CSMD1: variants seen among roughly 807,000 people sequenced by gnomAD.
CSMD1 encodes the protein CUB and sushi domain-containing protein 1.
In CSMD1, 213 loss-of-function variants were observed where a neutral mutation model predicts 417.5. The observed-to-expected ratio is 0.51, with a 90% CI of 0.46 to 0.57. CSMD1 has a LOEUF of 0.57. Ranked by LOEUF, CSMD1 falls within the 20% of genes least tolerant of loss-of-function variation. CSMD1 has a pLI of 0.00. For synonymous variants in CSMD1, 2,862 were observed against 1,736.8 expected (o/e 1.65, Z -16.11); for missense variants, 6,923 against 4,529.7 (o/e 1.53, Z -15.17).
At chr8:3,711,536 C>G (rs144714132) in intron 6 of CSMD1, among the ~76,000 whole-genome samples, 2 of 152,202 alleles carry the variant, frequency 1.3e-5, no homozygotes, top group Admixed American at 6.5e-5. Flanking sequence ...GGTGCAACCA[C>G]GGCACCTGGC....
chr8:3,572,428 C>G (rs1799984415), intron 10 of CSMD1, among the ~76,000 whole-genome samples: 1 of 152,128 alleles, frequency 6.6e-6, no homozygotes, highest in Non-Finnish European at 1.5e-5. Context: ...AGGGAGCTTC[C>G]TGGAGAGCCC....
chr8:3,951,132 C>G (rs377266233), intron 5 of CSMD1, among the ~76,000 whole-genome samples: 5 of 152,148 alleles, frequency 3.3e-5, no homozygotes, highest in East Asian at 3.9e-4. Context: ...CAGGAGATGT[C>G]TCAAAGTTGT....
intron 2 of CSMD1, among the ~76,000 whole-genome samples, chr8:4,453,236 C>CAA (rs1018557203): frequency 6.6e-5 from 10 of 151,398 alleles, no homozygotes; most frequent in Admixed American, 5.3e-4. Context: ...CACACACACA[C>CAA]ACACACACTG....
intron 2 of CSMD1, among the ~76,000 whole-genome samples, chr8:4,464,637 G>C (rs369423422): frequency 6.6e-6 from 1 of 152,128 alleles, no homozygotes; most frequent in Non-Finnish European, 1.5e-5. Context: ...AGAGTCCCAA[G>C]TTGAACCATG....
intron 26 of CSMD1, among the ~76,000 whole-genome samples, chr8:3,240,885 C>T (rs577146280): frequency 6.6e-4 from 101 of 152,100 alleles, no homozygotes; most frequent in African/African-American, 2.3e-3. Context: ...AGTTTATAGG[C>T]TTTAAGAGGT....
chr8:4,394,980 G>C (rs987084782), intron 3 of CSMD1, among the ~76,000 whole-genome samples: 1 of 152,164 alleles, frequency 6.6e-6, no homozygotes, highest in South Asian at 2.1e-4. Context: ...TCACAGTTAA[G>C]AAAGGGAAGA....
chr8:4,970,374 C>G (rs188310711), intron 1 of CSMD1, among the ~76,000 whole-genome samples: 1 of 152,064 alleles, frequency 6.6e-6, no homozygotes, highest in Non-Finnish European at 1.5e-5. Flanking sequence ...ATGGTATCAG[C>G]TTTTATGCTA....
At chr8:3,180,268 C>G (rs959841818) in intron 37 of CSMD1, among the ~76,000 whole-genome samples, 1 of 152,224 alleles carries the variant, frequency 6.6e-6, no homozygotes, top group Non-Finnish European at 1.5e-5. Context: ...TTAACTCTGT[C>G]TCACATCCAT....
intron 2 of CSMD1, among the ~76,000 whole-genome samples, chr8:4,557,411 C>T (rs1164351310): frequency 6.7e-6 from 1 of 150,328 alleles, no homozygotes; most frequent in Non-Finnish European, 1.5e-5. Context: ...CATAGTAATC[C>T]ATCTGAAAAT....
intron 3 of CSMD1, among the ~76,000 whole-genome samples, chr8:4,293,745 G>C (rs1395541103): frequency 1.3e-5 from 2 of 152,280 alleles, no homozygotes; most frequent in African/African-American, 4.8e-5. Context: ...TTAAAGCACA[G>C]ATATTTTTGT....
rs971001565 is a variant in CSMD1 at position 3,241,371 on chromosome 8, C to T, written c.4154-11140G>A. 1.4e-4 allele frequency among the ~76,000 whole-genome samples: 21 copies of T among 151,952 alleles called. 1 individual carries two copies. The Middle Eastern group carries it at 0.017, about 124-fold the overall frequency. On this transcript the variant is annotated intron_variant, in intron 26 of 69. Coordinates refer to ENST00000635120, the MANE Select transcript of CSMD1 (RefSeq NM_033225.6). ...AAGGTAATGTGGAGTGGGTAGCCTC[C>T]ATATTGATTAAGAAGGGGACGGTCT...
At chr8:2,994,204 A>C (rs1806671744) in intron 54 of CSMD1, among the ~76,000 whole-genome samples, 2 of 151,512 alleles carry the variant, frequency 1.3e-5, no homozygotes, top group African/African-American at 4.9e-5. Context: ...GAAGGAAGAA[A>C]GAAAGTAAGA....
At chr8:4,297,255 T>C (rs201766284) in intron 3 of CSMD1, among the ~76,000 whole-genome samples, 4 of 152,258 alleles carry the variant, frequency 2.6e-5, no homozygotes, top group African/African-American at 9.6e-5. Context: ...ATATAGAGCT[T>C]GAAATTTACC....
At position 3,613,650 on chromosome 8, in the gene CSMD1, T is replaced by C. The variant is rs952546200; in HGVS notation, c.1097+3060A>G. On this transcript the variant is annotated intron_variant, in intron 8 of 69. Coordinates refer to ENST00000635120, the MANE Select transcript of CSMD1 (RefSeq NM_033225.6). ...AAAATATACAAACAAAAAATGGTCA[T>C]GTCAATAGATGTAGAAACTTTTGAA... Among the ~76,000 whole-genome samples, 5 of 151,516 alleles carry C rather than the reference T, an allele frequency of 3.3e-5. No individual in the cohort carries two copies. In the South Asian group the frequency reaches 8.3e-4, roughly 25 times the overall value.
intron 3 of CSMD1, among the ~76,000 whole-genome samples, chr8:4,104,885 G>C (rs554610349): frequency 2.0e-5 from 3 of 151,826 alleles, no homozygotes; most frequent in African/African-American, 4.8e-5. Flanking sequence ...TTTTTCTTTT[G>C]TATCCATTAA....
chr8:4,024,000 C>T (rs957579015), intron 4 of CSMD1, among the ~76,000 whole-genome samples: 7 of 151,888 alleles, frequency 4.6e-5, no homozygotes, highest in Admixed American at 1.3e-4. Context: ...TAAAGGCTGA[C>T]ATATTTGACA....
intron 3 of CSMD1, among the ~76,000 whole-genome samples, chr8:4,145,006 TATAA>T (rs1160335916): frequency 2.0e-5 from 3 of 151,218 alleles, no homozygotes. Flanking sequence ...CTCTACTTTA[TATAA>T]ATAATAATTA....
intron 3 of CSMD1, among the ~76,000 whole-genome samples, chr8:4,188,746 A>G (rs1448161581): frequency 1.3e-5 from 2 of 152,022 alleles, no homozygotes; most frequent in African/African-American, 2.4e-5. Context: ...ATGTCTAGAA[A>G]AGAAAGATAC....
At chr8:3,594,304 A>G (rs978391954) in intron 8 of CSMD1, among the ~76,000 whole-genome samples, 1 of 152,172 alleles carries the variant, frequency 6.6e-6, no homozygotes, top group African/African-American at 2.4e-5. Context: ...CTAAATTGCT[A>G]TGGGAATATT....
Sources: allele counts gnomAD v4.1 joint callset (sites outside exome capture counted in the v4.1 genomes callset), GRCh38; gene constraint gnomAD v4.1.1; transcripts MANE v1.5; gene names NCBI Gene and HGNC (gene_info 2026-07-23, HGNC 2026-07-21).